Variants in CNIH3 observed in about 807,000 individuals in gnomAD.
CNIH3 encodes the protein cornichon family AMPA receptor auxiliary protein 3.
Under a neutral mutation model 24.1 loss-of-function variants are expected in CNIH3, and 14 were observed. The observed-to-expected ratio is 0.58, with a 90% CI of 0.38 to 0.91. The LOEUF (loss-of-function observed/expected upper bound fraction) is 0.91, where lower values mean the gene tolerates loss of function less well. CNIH3 is among the 40% of genes least tolerant of loss of function. The pLI is 0.00. For synonymous variants in CNIH3, 68 were observed against 73.8 expected (o/e 0.92, Z 0.40); for missense variants, 178 against 196.8 (o/e 0.90, Z 0.57).
intron 1 of CNIH3, among the ~76,000 whole-genome samples, chr1:224,638,731 C>G (rs114141750): frequency 1.3e-5 from 2 of 152,200 alleles, no homozygotes; most frequent in Admixed American, 6.5e-5. Flanking sequence ...GCACTGGCCA[C>G]GGGATCTCTC....
At chr1:224,722,852 C>T (rs1168844400) in intron 3 of CNIH3, among the ~76,000 whole-genome samples, 1 of 152,208 alleles carries the variant, frequency 6.6e-6, no homozygotes, top group Non-Finnish European at 1.5e-5. Context: ...CCTTGGTTTC[C>T]TTCTCCTCCA....
chr1:224,539,658 A>C (rs1326291612), downstream of CNIH3, among the ~76,000 whole-genome samples: 2 of 152,070 alleles, frequency 1.3e-5, no homozygotes, highest in Admixed American at 1.3e-4. Flanking sequence ...TACTGGCCAT[A>C]CTGCACTACT....
chr1:224,642,742 G>A (rs1336303675), intron 1 of CNIH3, among the ~76,000 whole-genome samples: 2 of 152,128 alleles, frequency 1.3e-5, no homozygotes, highest in African/African-American at 2.4e-5. Flanking sequence ...AATGCTTTGC[G>A]TTTCTGATTT....
chr1:224,435,962 T>G (rs1045946234), intron 1 of CNIH3: 2 of 152,234 alleles, frequency 1.3e-5, no homozygotes. Context: ...TTTATTATAG[T>G]AATAACTGAA....
intron 1 of CNIH3, among the ~76,000 whole-genome samples, chr1:224,479,903 G>A (rs1676737011): frequency 1.3e-5 from 2 of 152,150 alleles, no homozygotes; most frequent in African/African-American, 4.8e-5. Context: ...ACCATTTGGG[G>A]GTCTGGAGGA....
intron 2 of CNIH3, among the ~76,000 whole-genome samples, chr1:224,546,586 G>A (rs1679713104): frequency 6.6e-6 from 1 of 152,184 alleles, no homozygotes; most frequent in Non-Finnish European, 1.5e-5. Flanking sequence ...AAAGAAAAGG[G>A]AGGAGTTCCA....
chr1:224,470,417 T>A (rs769687721), intron 1 of CNIH3, among the ~76,000 whole-genome samples: 2 of 151,114 alleles, frequency 1.3e-5, no homozygotes, highest in Non-Finnish European at 2.9e-5. Flanking sequence ...TGGACTCAAG[T>A]GGTTCTCCTG....
chr1:224,596,822 T>C (rs1481763662), intron 3 of CNIH3, among the ~76,000 whole-genome samples: 1 of 152,138 alleles, frequency 6.6e-6, no homozygotes, highest in Non-Finnish European at 1.5e-5. Context: ...TTTGTTATAA[T>C]GTTGGGGCAC....
At chr1:224,539,245 G>A (rs964753613), downstream of CNIH3, among the ~76,000 whole-genome samples, 2 of 152,178 alleles carry the variant, frequency 1.3e-5, no homozygotes, top group Non-Finnish European at 2.9e-5. Context: ...ATTTGGGCCA[G>A]AAGCCTCAGT....
At chr1:224,478,305 C>G (rs1676665501) in intron 1 of CNIH3, among the ~76,000 whole-genome samples, 2 of 151,974 alleles carry the variant, frequency 1.3e-5, no homozygotes, top group South Asian at 4.1e-4. Context: ...TAGATTTGCC[C>G]TTTTGAGGTT....
chr1:224,674,607 TG>T (rs1287237854), intron 1 of CNIH3, among the ~76,000 whole-genome samples: 2 of 151,964 alleles, frequency 1.3e-5, no homozygotes, highest in Non-Finnish European at 2.9e-5. Flanking sequence ...CATGGTCCTG[TG>T]GTTGGGGGAA....
intron 3 of CNIH3, among the ~76,000 whole-genome samples, chr1:224,551,718 C>A (rs751822138): frequency 6.6e-6 from 1 of 151,672 alleles, no homozygotes. Flanking sequence ...AGTAGTATAT[C>A]GCCCTTAGAT....
chr1:224,687,187 C>T (rs1288633490), intron 3 of CNIH3, among the ~76,000 whole-genome samples: 1 of 152,214 alleles, frequency 6.6e-6, no homozygotes, highest in Non-Finnish European at 1.5e-5. Context: ...CTGGAGTGGC[C>T]AGCACCTCTT....
At chr1:224,442,930 T>G (rs1443337442) in intron 1 of CNIH3, among the ~76,000 whole-genome samples, 1 of 152,222 alleles carries the variant, frequency 6.6e-6, no homozygotes, top group Admixed American at 6.5e-5. Flanking sequence ...ATATGAAACT[T>G]CGGCTCCTCA....
At chr1:224,714,315 A>G (rs1159688784) in intron 3 of CNIH3, among the ~76,000 whole-genome samples, 2 of 151,846 alleles carry the variant, frequency 1.3e-5, no homozygotes, top group Non-Finnish European at 2.9e-5. Context: ...GTAAGACCCC[A>G]CCCCCACCAC....
rs571573289 is a variant in CNIH3, at chr1:224,601,502, G to A, written n.402+35238G>A. On this transcript the variant is annotated intron_variant and non_coding_transcript_variant, in intron 3 of 7. Coordinates refer to the CNIH3 transcript ENST00000478120. ...GGTCTTTTCTATCTATTGGGAGACT[G>A]GCTTTCCCTGGCGCTGGCTGTGACC... Among the ~76,000 whole-genome samples, 863 of 152,284 alleles carry A rather than the reference G, an allele frequency of 5.7e-3. 2 individuals are homozygous for A. Among genetic ancestry groups the A allele is most frequent in the Non-Finnish European group, 9.3e-3 (630 of 68,018 alleles).
chr1:224,665,493 T>G (rs1218225515), intron 1 of CNIH3, among the ~76,000 whole-genome samples: 1 of 152,226 alleles, frequency 6.6e-6, no homozygotes, highest in East Asian at 1.9e-4. Context: ...CAATAGATAC[T>G]TACTGAATAA....
rs11806814 is a variant in CNIH3, at chr1:224,677,370, T to G, written c.82-3588T>G. Among the ~76,000 whole-genome samples the G allele has an allele frequency of 8.2e-3, 1,244 of 152,292 alleles. 10 individuals are homozygous for G. Among genetic ancestry groups the G allele is most frequent in the Middle Eastern group, 0.027 (8 of 294 alleles). On this transcript the variant is annotated intron_variant, in intron 1 of 5. Transcript: ENST00000272133. ...TGGTGAGGACAGGCACCGATCTTGTTGATTTTTGTGTCTCCAGTGGTTAGC... is the reference window on the plus strand; with the variant it reads ...TGGTGAGGACAGGCACCGATCTTGTGGATTTTTGTGTCTCCAGTGGTTAGC...
rs1428649345 is a variant in CNIH3 at position 224,534,214 on chromosome 1, A to G, written n.344-2722A>G. On this transcript the variant is annotated intron_variant and non_coding_transcript_variant, in intron 2 of 2. Coordinates refer to the CNIH3 transcript ENST00000470602. ...CCTTGAACATATCTTCTTGGGGAAC[A>G]CAATTCAACCATAACATCTGCTAAG... Among the ~76,000 whole-genome samples, 8 of 152,232 alleles carry G rather than the reference A, an allele frequency of 5.3e-5. No individual in the cohort carries two copies. In the East Asian group the frequency reaches 1.5e-3, roughly 29 times the overall value.
Sources: allele counts gnomAD v4.1 joint callset (sites outside exome capture counted in the v4.1 genomes callset), GRCh38; gene constraint gnomAD v4.1.1; transcripts MANE v1.5; gene names NCBI Gene and HGNC (gene_info 2026-07-23, HGNC 2026-07-21).